Variants in ENKUR observed in about 807,000 individuals in gnomAD.
ENKUR encodes enkurin.
In ENKUR, 19 loss-of-function variants were observed where a neutral mutation model predicts 27.6. That is an observed-to-expected ratio of 0.69 (90% CI 0.48 to 1.01). The LOEUF is 1.01. Among genes scored for constraint, ENKUR ranks in the 50% least tolerant of loss-of-function variants. The probability of loss-of-function intolerance (pLI) is 0.00; values close to 1 mark genes in which losing one functional copy is unlikely to be tolerated. For missense variants in ENKUR, 312 were observed against 310.5 expected, an observed-to-expected ratio of 1.00 and a Z score of -0.04; for synonymous variants, 117 against 96.9, an observed-to-expected ratio of 1.21 and a Z score of -1.22.
intron 1 of ENKUR, among the ~76,000 whole-genome samples, chr10:25,006,759 T>G (rs1274485567): frequency 6.6e-6 from 1 of 152,212 alleles, no homozygotes; most frequent in Non-Finnish European, 1.5e-5. Flanking sequence ...AGGACTCAGT[T>G]TGTTTTACTG....
Position 24,984,990 on chromosome 10 carries a change from G to A in ENKUR, c.595-85C>T. 3 of 1,039,824 alleles carry A rather than the reference G, an allele frequency of 2.9e-6. No individual in the cohort carries two copies. In the South Asian group the frequency reaches 4.2e-5, roughly 15 times the overall value. The allele number at this position is 1,039,824 out of a possible 1,614,324, so 64.4% of individuals were successfully genotyped here. Reference sequence around the variant, plus strand: ...GAAAAGCTAATTGGTAATGAAAAATGTCAATAAGTAAAAGAAACTGACAAA... The same window carrying A: ...GAAAAGCTAATTGGTAATGAAAAATATCAATAAGTAAAAGAAACTGACAAA... On this transcript the variant is annotated intron_variant, in intron 4 of 5. Coordinates refer to ENST00000331161, the MANE Select transcript of ENKUR (RefSeq NM_145010.4).
intron 2 of ENKUR, chr10:25,023,813 A>C: frequency 6.2e-7 from 1 of 1,614,262 alleles, no homozygotes; most frequent in Non-Finnish European, 8.5e-7. Flanking sequence ...AAGAAGTGGT[A>C]TGATGCTCGT....
At chr10:25,035,276 C>T (rs532806780) in intron 2 of ENKUR, among the ~76,000 whole-genome samples, 16 of 152,266 alleles carry the variant, frequency 1.1e-4, no homozygotes, top group South Asian at 2.1e-4. Flanking sequence ...GTTTATCAAG[C>T]GGGCACAGTG....
intron 2 of ENKUR, among the ~76,000 whole-genome samples, chr10:25,041,098 A>C (rs1270914081): frequency 6.6e-6 from 1 of 152,154 alleles, no homozygotes; most frequent in Non-Finnish European, 1.5e-5. Flanking sequence ...CTATGTGTAC[A>C]TTTTAGTCAC....
chr10:25,055,383 C>T (rs1422986851), intron 2 of ENKUR, among the ~76,000 whole-genome samples: 1 of 151,968 alleles, frequency 6.6e-6, no homozygotes, highest in African/African-American at 2.4e-5. Context: ...ATGCACCTTC[C>T]CTCCTGGCTA....
chr10:25,055,959 A>G (rs531523773), intron 2 of ENKUR, among the ~76,000 whole-genome samples: 18 of 152,246 alleles, frequency 1.2e-4, no homozygotes, highest in Non-Finnish European at 2.1e-4. Flanking sequence ...TGTATTGCTT[A>G]TAACTTAGAA....
chr10:24,993,198 CA>C (rs1849964881), intron 3 of ENKUR, among the ~76,000 whole-genome samples: 1 of 152,114 alleles, frequency 6.6e-6, no homozygotes, highest in Non-Finnish European at 1.5e-5. Context: ...AAAAAACTCA[CA>C]AATGAGCAAA....
At chr10:25,032,075 A>T (rs11014356) in intron 2 of ENKUR, among the ~76,000 whole-genome samples, 1 of 152,094 alleles carries the variant, frequency 6.6e-6, no homozygotes, top group Non-Finnish European at 1.5e-5. Flanking sequence ...TTTCCTATTG[A>T]GACATTCCTC....
At chr10:25,046,228 G>A (rs1851120375) in intron 2 of ENKUR, among the ~76,000 whole-genome samples, 1 of 152,086 alleles carries the variant, frequency 6.6e-6, no homozygotes, top group African/African-American at 2.4e-5. Context: ...AATGATACTA[G>A]AAATTCTGTC....
At chr10:25,017,339 T>C (rs1850623296), upstream of ENKUR, among the ~76,000 whole-genome samples, 1 of 152,118 alleles carries the variant, frequency 6.6e-6, no homozygotes, top group Non-Finnish European at 1.5e-5. Context: ...TACCCGAGTG[T>C]TTAAAAGACA....
At chr10:25,051,437 A>G (rs1851185194) in intron 2 of ENKUR, among the ~76,000 whole-genome samples, 2 of 144,250 alleles carry the variant, frequency 1.4e-5, no homozygotes, top group Non-Finnish European at 3.0e-5. Flanking sequence ...CAGGCTGTAC[A>G]GGAAGCATGA....
chr10:24,997,609 G>A (rs764888089), intron 2 of ENKUR, among the ~76,000 whole-genome samples: 1 of 151,780 alleles, frequency 6.6e-6, no homozygotes. Flanking sequence ...GGCTGGTCTC[G>A]TACTCCTGGG....
At chr10:25,014,189 A>G (rs1040459016) in intron 1 of ENKUR, among the ~76,000 whole-genome samples, 2 of 152,168 alleles carry the variant, frequency 1.3e-5, no homozygotes, top group African/African-American at 2.4e-5. Flanking sequence ...ATGGTTTTCA[A>G]TGATAAATTT....
At chr10:25,037,839 C>T (rs1242310153) in intron 2 of ENKUR, among the ~76,000 whole-genome samples, 2 of 152,108 alleles carry the variant, frequency 1.3e-5, no homozygotes, top group East Asian at 1.9e-4. Flanking sequence ...ATTTATATGC[C>T]GTTTATGACT....
At chr10:25,035,191 T>A (rs1323509333) in intron 2 of ENKUR, among the ~76,000 whole-genome samples, 1 of 152,208 alleles carries the variant, frequency 6.6e-6, no homozygotes, top group East Asian at 1.9e-4. Flanking sequence ...GTCCATGAAC[T>A]CAGTTGGTCA....
chr10:25,061,067 G>A lies in ENKUR; in HGVS notation c.37+45C>T, dbSNP rs1476074741. 11 of 1,526,802 alleles carry A rather than the reference G, an allele frequency of 7.2e-6. No homozygotes were observed. The South Asian group carries it at 1.2e-4, about 17-fold the overall frequency. The allele number at this position is 1,526,802 out of a possible 1,614,324, so 94.6% of individuals were successfully genotyped here. A position where few individuals can be genotyped will look rare whatever the true frequency, so the allele number is the denominator to read the frequency against. ...ATCTCTAAGGCCCCCTATTAGGCTG[G>A]CTGCCCAGATGCAAAACCTGTGAAC... On this transcript the variant is annotated intron_variant, in intron 2 of 5. Coordinates refer to the ENKUR transcript ENST00000615958.
chr10:24,995,181 G>A (rs1374459423), intron 3 of ENKUR, among the ~76,000 whole-genome samples: 1 of 152,132 alleles, frequency 6.6e-6, no homozygotes, highest in Non-Finnish European at 1.5e-5. Context: ...ATAGGAATGT[G>A]AATTATTTAT....
At chr10:24,988,711 T>A (rs1433128470) in intron 4 of ENKUR, among the ~76,000 whole-genome samples, 1 of 29,362 alleles carries the variant, frequency 3.4e-5, no homozygotes, top group African/African-American at 1.5e-4. Flanking sequence ...TATATATATA[T>A]ATATATATAT....
chr10:25,022,928 A>C (rs947321884), intron 2 of ENKUR, among the ~76,000 whole-genome samples: 7 of 152,202 alleles, frequency 4.6e-5, no homozygotes, highest in African/African-American at 1.4e-4. Context: ...TTATAGTTAC[A>C]AATTTTGTCA....
Sources: allele counts gnomAD v4.1 joint callset (sites outside exome capture counted in the v4.1 genomes callset), GRCh38; gene constraint gnomAD v4.1.1; transcripts MANE v1.5; gene names NCBI Gene and HGNC (gene_info 2026-07-23, HGNC 2026-07-21).